The following ST8SIA5 variants were observed in gnomAD, a reference collection of about 807,000 sequenced individuals.
ST8SIA5 encodes ST8 alpha-N-acetyl-neuraminide alpha-2,8-sialyltransferase 5.
Under a neutral mutation model 40.2 loss-of-function variants are expected in ST8SIA5, and 24 were observed. The observed-to-expected ratio is 0.60, with a 90% CI of 0.43 to 0.84. The LOEUF is 0.84. Ranked by LOEUF, ST8SIA5 falls within the 40% of genes least tolerant of loss-of-function variation. The probability of loss-of-function intolerance (pLI) is 0.00; values close to 1 mark genes in which losing one functional copy is unlikely to be tolerated. For missense variants in ST8SIA5, 465 were observed against 498.5 expected, an observed-to-expected ratio of 0.93 and a Z score of 0.64; for synonymous variants, 198 against 201.8, an observed-to-expected ratio of 0.98 and a Z score of 0.16.
intron 1 of ST8SIA5, among the ~76,000 whole-genome samples, chr18:46,713,826 C>G (rs1331411115): frequency 6.6e-6 from 1 of 152,148 alleles, no homozygotes; most frequent in African/African-American, 2.4e-5. Flanking sequence ...GAGAAGGGAA[C>G]AGATGCCCCT....
rs536905755 is a variant in ST8SIA5 at position 46,714,396 on chromosome 18, C to A, written c.132-9732G>T. On this transcript the variant is annotated intron_variant, in intron 1 of 6. Transcript: ENST00000315087. ...CCTCCTGCCTTTGCCAAGTGATTGG[C>A]ATAAAATTCTCAAAGATGGTCTACA... 3.3e-5 allele frequency among the ~76,000 whole-genome samples: 5 copies of A among 152,250 alleles called. No homozygotes were observed. The South Asian group carries it at 8.3e-4, about 25-fold the overall frequency.
chr18:46,741,975 G>T (rs545631174), intron 1 of ST8SIA5, among the ~76,000 whole-genome samples: 4 of 151,864 alleles, frequency 2.6e-5, no homozygotes, highest in African/African-American at 9.7e-5. Context: ...GGTGGCGCAT[G>T]CCTGTAATCC....
chr18:46,756,793 C>A lies in ST8SIA5; in HGVS notation c.-285G>T. On this transcript the variant is annotated 5_prime_UTR_variant, in exon 1 of 7. Transcript: ENST00000315087. ...TACCTTTACCTCCAGGCGCCGGTGC[C>A]GGGTAGCCGCCGATTTCCCCGCGGA... 2.8e-6 allele frequency: 1 copy of A among 357,990 alleles called. No homozygotes were observed. Among genetic ancestry groups the A allele is most frequent in the South Asian group, 5.1e-5 (1 of 19,492 alleles). 22.2% of individuals were successfully genotyped at this position (357,990 alleles called of 1,614,324 possible). A position where few individuals can be genotyped will look rare whatever the true frequency, so the allele number is the denominator to read the frequency against.
intron 1 of ST8SIA5, among the ~76,000 whole-genome samples, chr18:46,712,063 T>C (rs8099322): frequency 0.013 from 1,959 of 152,288 alleles, 36 homozygotes; most frequent in African/African-American, 0.045. Flanking sequence ...GCCTGGTGTC[T>C]AGCTTCATTC....
intron 1 of ST8SIA5, among the ~76,000 whole-genome samples, chr18:46,753,298 C>T (rs927405997): frequency 6.6e-6 from 1 of 152,116 alleles, no homozygotes; most frequent in Non-Finnish European, 1.5e-5. Context: ...ATTGGTTGGG[C>T]GCAGTGGCTC....
At chr18:46,690,859 A>G (rs1599104934) in intron 3 of ST8SIA5, among the ~76,000 whole-genome samples, 1 of 151,942 alleles carries the variant, frequency 6.6e-6, no homozygotes, top group South Asian at 2.1e-4. Flanking sequence ...CAGGTGATTC[A>G]CCCGCCTTGG....
At position 46,692,251 on chromosome 18, in the gene ST8SIA5, T is replaced by C. The variant is rs1420973461; in HGVS notation, c.229A>G (p.Lys77Glu). The change falls in exon 3 of 7, where the codon AAG becomes GAG. Residue 77 changes from lysine (K) to glutamate (E), a missense_variant. Lys to Glu is a moderately conservative substitution (Grantham distance 56, BLOSUM62 1). Coordinates refer to ENST00000315087, the MANE Select transcript of ST8SIA5 (RefSeq NM_013305.6). ...CACCTGTCGAACAGCTCTGACTGCT[T>C]CACCCTTGGGAGTAGAGGACAGAAG... The part of the protein sequence containing the change: ...ILEVKVLSMV[K>E]QSELFDRWKS... The C allele has an allele frequency of 1.2e-6, 2 of 1,613,990 alleles. No individual in the cohort carries two copies. Among genetic ancestry groups the C allele is most frequent in the Non-Finnish European group, 1.7e-6 (2 of 1,180,018 alleles).
chr18:46,688,091 A>ATTGC (rs2039466240), intron 4 of ST8SIA5, among the ~76,000 whole-genome samples: 1 of 152,244 alleles, frequency 6.6e-6, no homozygotes, highest in African/African-American at 2.4e-5. Context: ...TCAATGGCCA[A>ATTGC]GGTCAGTGAT....
At chr18:46,686,606 C>G (rs2039450658) in intron 4 of ST8SIA5, among the ~76,000 whole-genome samples, 1 of 152,150 alleles carries the variant, frequency 6.6e-6, no homozygotes, top group South Asian at 2.1e-4. Flanking sequence ...GTGGGACCAG[C>G]AGCCTGGTGG....
At chr18:46,707,607 C>T (rs1488567125) in intron 1 of ST8SIA5, among the ~76,000 whole-genome samples, 1 of 152,220 alleles carries the variant, frequency 6.6e-6, no homozygotes, top group Admixed American at 6.5e-5. Flanking sequence ...GCTTTCAGAA[C>T]TGGGTTCACA....
intron 1 of ST8SIA5, among the ~76,000 whole-genome samples, chr18:46,706,583 T>A (rs1474124993): frequency 2.0e-5 from 3 of 152,242 alleles, no homozygotes; most frequent in Admixed American, 6.5e-5. Flanking sequence ...ATTGTGTTCC[T>A]TTCCAAACCA....
chr18:46,730,904 C>T (rs923994031), intron 1 of ST8SIA5, among the ~76,000 whole-genome samples: 2 of 152,140 alleles, frequency 1.3e-5, no homozygotes, highest in African/African-American at 4.8e-5. Flanking sequence ...TTGCCTGAGA[C>T]CCAGAGTTAA....
intron 3 of ST8SIA5, among the ~76,000 whole-genome samples, chr18:46,689,461 G>A (rs2039481452): frequency 6.6e-6 from 1 of 152,148 alleles, no homozygotes; most frequent in African/African-American, 2.4e-5. Context: ...GCTACTGGAA[G>A]GTCTCTCTCT....
chr18:46,748,041 G>A (rs1404994134), intron 1 of ST8SIA5, among the ~76,000 whole-genome samples: 1 of 151,824 alleles, frequency 6.6e-6, no homozygotes. Flanking sequence ...TGGACACAGG[G>A]TGGGGAACAT....
In ST8SIA5 at chr18:46,755,424, T is replaced by A. The variant is rs139673026; in HGVS notation, c.131+954A>T. Among the ~76,000 whole-genome samples the A allele has an allele frequency of 2.9e-3, 446 of 152,158 alleles. 8 individuals carry two copies. The highest frequency in any genetic ancestry group is 3.3e-3 in the Non-Finnish European group (221 of 67,982). On this transcript the variant is annotated intron_variant, in intron 1 of 6. Coordinates refer to ENST00000315087, the MANE Select transcript of ST8SIA5 (RefSeq NM_013305.6). ...GAGTAGGGAGACACTAGCAGCAAAC[T>A]AAAAAACAGCCCAGCAGCTAGGAGA...
chr18:46,736,143 A>AGAT, intron 1 of ST8SIA5, among the ~76,000 whole-genome samples: 1 of 152,292 alleles, frequency 6.6e-6, no homozygotes, highest in Non-Finnish European at 1.5e-5. Context: ...AAAATTAAGG[A>AGAT]GATACGTCAC....
intron 3 of ST8SIA5, among the ~76,000 whole-genome samples, chr18:46,691,221 C>T (rs1366667118): frequency 2.6e-5 from 4 of 152,242 alleles, no homozygotes; most frequent in African/African-American, 7.2e-5. Context: ...CCAGAGGCCT[C>T]TGGCACCTGA....
chr18:46,688,872 G>T lies in ST8SIA5; in HGVS notation c.359C>A (p.Thr120Asn). 6.2e-7 allele frequency: 1 copy of T among 1,614,192 alleles called. No homozygotes were observed. Among genetic ancestry groups the T allele is most frequent in the South Asian group, 1.1e-5 (1 of 91,078 alleles). Reference protein sequence around the residue: ...CCNAPAFLFTTQKNTPLGTKL... With the variant: ...CCNAPAFLFTNQKNTPLGTKL... ...TGTCCCCAGGGGAGTGTTCTTCTGG[G>T]TGGTGAAGAGAAAGGCAGGGGCGTT... The change falls in exon 4 of 7, where the codon ACC (threonine) becomes AAC (asparagine). Residue 120 changes from threonine to asparagine, a missense_variant. By Grantham distance (65) the Thr-to-Asn change is moderately conservative (BLOSUM62 0). Transcript: ENST00000315087.
At chr18:46,715,549 A>AAACC (rs1283611472) in intron 1 of ST8SIA5, among the ~76,000 whole-genome samples, 1 of 131,930 alleles carries the variant, frequency 7.6e-6, no homozygotes, top group Non-Finnish European at 1.6e-5. Context: ...CACAGAAGTG[A>AAACC]TCTATTTTTT....
Sources: gnomAD v4.1 joint callset for allele counts (sites outside exome capture counted in the v4.1 genomes callset) on GRCh38, gnomAD v4.1.1 for gene constraint, MANE v1.5 for transcripts, NCBI Gene and HGNC (gene_info 2026-07-23, HGNC 2026-07-21) for gene names.